Variants in OTC observed in about 807,000 individuals in gnomAD.
OTC encodes the protein ornithine transcarbamylase.
A neutral mutation model predicts 30.3 loss-of-function variants in OTC; 3 were observed. That is an observed-to-expected ratio of 0.10 (90% CI 0.05 to 0.26). The LOEUF (loss-of-function observed/expected upper bound fraction) is 0.26. Ranked by LOEUF, OTC falls within the 10% of genes least tolerant of loss-of-function variation. The pLI is 1.00. For missense variants in OTC, 194 were observed against 260.3 expected, an observed-to-expected ratio of 0.75 and a Z score of 1.75; for synonymous variants, 111 against 99.7, an observed-to-expected ratio of 1.11 and a Z score of -0.67.
chrX:38,381,920 A>G (rs576523555), intron 4 of OTC, among the ~76,000 whole-genome samples: 42 of 112,581 alleles, frequency 3.7e-4, no homozygotes, highest in African/African-American at 1.2e-3. Context: ...ACTAGCTGCT[A>G]TAACACAAAA....
chrX:38,422,483 T>G (rs1443299057), downstream of OTC, among the ~76,000 whole-genome samples: 1 of 111,996 alleles, frequency 8.9e-6, no homozygotes, highest in East Asian at 2.8e-4. Flanking sequence ...TAGAAAGAAG[T>G]GTTCTTCCAC....
chrX:38,341,538 T>C, the OTC span, among the ~76,000 whole-genome samples: 1 of 112,215 alleles, frequency 8.9e-6, no homozygotes, highest in Non-Finnish European at 1.9e-5. Context: ...CAGACTGTAA[T>C]TGTAAATTTT....
intron 1 of OTC, among the ~76,000 whole-genome samples, chrX:38,362,282 T>G (rs868125385): frequency 1.3e-4 from 15 of 111,613 alleles, no homozygotes; most frequent in Middle Eastern, 4.6e-3. Context: ...AGATCTCATG[T>G]TAAGTGATCT....
At chrX:38,367,979 A>G (rs1273489727) in intron 2 of OTC, among the ~76,000 whole-genome samples, 9 of 111,377 alleles carry the variant, frequency 8.1e-5, no homozygotes, top group African/African-American at 2.9e-4. Context: ...TGGCATCCCA[A>G]AGTGCTGGGA....
chrX:38,386,386 A>AATATATATAT (rs1555974125), intron 4 of OTC, among the ~76,000 whole-genome samples: 1 of 88,963 alleles, frequency 1.1e-5, no homozygotes, highest in Non-Finnish European at 2.2e-5. Flanking sequence ...AAAAAAAAAA[A>AATATATATAT]ATATATATAT....
At chrX:38,409,457 G>A (rs2068532869) in intron 8 of OTC, among the ~76,000 whole-genome samples, 2 of 112,473 alleles carry the variant, frequency 1.8e-5, no homozygotes, top group African/African-American at 3.2e-5. Context: ...TGCCCTCCAG[G>A]GCATTCCCAG....
In OTC at chrX:38,408,989, G is replaced by C; in HGVS notation, c.831G>C (p.Arg277=). 1 of 1,211,633 alleles carries C rather than the reference G, an allele frequency of 8.3e-7. No homozygotes were observed. Among genetic ancestry groups the C allele is most frequent in the Non-Finnish European group, 1.1e-6 (1 of 895,347 alleles). Residue 277 remains arginine (R), a synonymous_variant, in exon 8 of 10, where the codon CGG becomes CGC. Transcript: ENST00000039007. ...SMGQEEEKKK[R]LQAFQGYQVT... The stretch of plus-strand genomic sequence containing the variant: ...GACAAGAAGAGGAGAAGAAAAAGCG[G>C]CTCCAGGCTTTCCAAGGTTACCAGG...
intron 3 of OTC, among the ~76,000 whole-genome samples, chrX:38,375,223 G>A (rs916553129): frequency 1.8e-5 from 2 of 112,072 alleles, no homozygotes; most frequent in Non-Finnish European, 3.8e-5. Context: ...GATACAGTAT[G>A]TTGGAAGATG....
At chrX:38,395,026 G>A (rs2068448026) in intron 4 of OTC, among the ~76,000 whole-genome samples, 1 of 111,152 alleles carries the variant, frequency 9.0e-6, no homozygotes, top group African/African-American at 3.3e-5. Context: ...AGGCTAGAGT[G>A]TAGTGGCATG....
intron 2 of OTC, among the ~76,000 whole-genome samples, chrX:38,367,708 C>CATTTATTTATTTATTTATTT (rs200633699): frequency 9.2e-6 from 1 of 108,704 alleles, no homozygotes; most frequent in Non-Finnish European, 1.9e-5. Flanking sequence ...GTCTGAAAAG[C>CATTTATTTATTTATTTATTT]ATTTATTTAT....
chrX:38,386,519 T>C (rs1426969275), intron 4 of OTC, among the ~76,000 whole-genome samples: 1 of 111,448 alleles, frequency 9.0e-6, no homozygotes, highest in Non-Finnish European at 1.9e-5. Flanking sequence ...TGTATTTGAC[T>C]ATTTTAATAC....
chrX:38,375,301 G>A (rs1188787108), intron 3 of OTC, among the ~76,000 whole-genome samples: 1 of 112,189 alleles, frequency 8.9e-6, no homozygotes, highest in African/African-American at 3.2e-5. Context: ...CCAATATTGG[G>A]ACTTTGGCTT....
At chrX:38,328,295 G>A in the OTC span, among the ~76,000 whole-genome samples, 5 of 112,402 alleles carry the variant, frequency 4.4e-5, no homozygotes, top group Non-Finnish European at 9.4e-5. Flanking sequence ...AGGGATCCCT[G>A]AATTACTCTT....
intron 9 of OTC, among the ~76,000 whole-genome samples, chrX:38,414,205 G>A (rs1169751712): frequency 8.9e-6 from 1 of 112,049 alleles, no homozygotes; most frequent in Non-Finnish European, 1.9e-5. Flanking sequence ...AATTCAGTAG[G>A]GAAAACTAAA....
At chrX:38,415,228 G>A (rs1263730130) in intron 9 of OTC, among the ~76,000 whole-genome samples, 4 of 108,611 alleles carry the variant, frequency 3.7e-5, no homozygotes, top group Admixed American at 3.0e-4. Context: ...ACAGGTGCCC[G>A]CCACTGTGCC....
chrX:38,398,434 G>A (rs904600406), intron 4 of OTC, among the ~76,000 whole-genome samples: 1 of 112,138 alleles, frequency 8.9e-6, no homozygotes, highest in South Asian at 3.7e-4. Flanking sequence ...AATGATTTGA[G>A]AGGCTATAAT....
chrX:38,360,285 A>T (rs2068265207), intron 1 of OTC, among the ~76,000 whole-genome samples: 2 of 111,526 alleles, frequency 1.8e-5, no homozygotes, highest in African/African-American at 6.5e-5. Context: ...TTATTCATTT[A>T]CTTAAGAAAT....
chrX:38,386,380 A>AT (rs1456448332), intron 4 of OTC, among the ~76,000 whole-genome samples: 7 of 76,496 alleles, frequency 9.2e-5, no homozygotes, highest in African/African-American at 3.0e-4. Context: ...CTCAAAAAAA[A>AT]AAAAAAATAT....
intron 3 of OTC, among the ~76,000 whole-genome samples, chrX:38,372,497 A>G (rs1189557877): frequency 8.9e-6 from 1 of 112,836 alleles, no homozygotes; most frequent in Non-Finnish European, 1.9e-5. Context: ...AATTGTTTCT[A>G]CTGGTGGCAT....
Sources: allele counts gnomAD v4.1 joint callset (sites outside exome capture counted in the v4.1 genomes callset), GRCh38; gene constraint gnomAD v4.1.1; transcripts MANE v1.5; gene names NCBI Gene and HGNC (gene_info 2026-07-23, HGNC 2026-07-21).